ASAP1: variants seen among roughly 807,000 people sequenced by gnomAD.
ASAP1 encodes arf-GAP with SH3 domain, ANK repeat and PH domain-containing protein 1.
In ASAP1, 43 loss-of-function variants were observed where a neutral mutation model predicts 145.2. The observed-to-expected ratio is 0.30, with a 90% CI of 0.23 to 0.38. The LOEUF (loss-of-function observed/expected upper bound fraction) is 0.38. ASAP1 is among the 10% of genes least tolerant of loss of function. The pLI is 1.00. For missense variants in ASAP1, 1,018 were observed against 1,355.3 expected, an observed-to-expected ratio of 0.75 and a Z score of 3.91; for synonymous variants, 546 against 515.5, an observed-to-expected ratio of 1.06 and a Z score of -0.80.
intron 3 of ASAP1, among the ~76,000 whole-genome samples, chr8:130,252,495 AAT>A (rs1295132943): frequency 6.6e-6 from 1 of 152,192 alleles, no homozygotes; most frequent in African/African-American, 2.4e-5. Flanking sequence ...AGGACCCAAC[AAT>A]ATGTTAACTT....
chr8:130,286,294 A>G (rs72724429), intron 3 of ASAP1, among the ~76,000 whole-genome samples: 3,698 of 152,324 alleles, frequency 0.024, 60 homozygotes, highest in Non-Finnish European at 0.037. Flanking sequence ...TGCAAAATGA[A>G]CTTACAAAGT....
At position 130,072,793 on chromosome 8, in the gene ASAP1, A is replaced by ATGTGTGTGTGTGTGTGTGTGTG. The variant is rs1206526066; in HGVS notation, c.2701+3533_2701+3554dup. Among the ~76,000 whole-genome samples the ATGTGTGTGTGTGTGTGTGTGTG allele has an allele frequency of 2.0e-4, 21 of 102,626 alleles. 1 individual carries two copies. The highest frequency in any genetic ancestry group is 1.2e-3 in the South Asian group (3 of 2,522). The allele number at this position is 102,626 out of a possible 152,430, so 67.3% of individuals were successfully genotyped here. ...CTGAAGGCCTGGACTTGCAATTGAT[A>ATGTGTGTGTGTGTGTGTGTGTG]TGTGTGTGTGTGTGTGTGTGTGTGT... On this transcript the variant is annotated intron_variant, in intron 27 of 29. Coordinates refer to ENST00000518721, the MANE Select transcript of ASAP1 (RefSeq NM_018482.4).
chr8:130,073,280 C>A (rs975943793), intron 27 of ASAP1, among the ~76,000 whole-genome samples: 2 of 151,540 alleles, frequency 1.3e-5, no homozygotes, highest in Non-Finnish European at 2.9e-5. Context: ...ATCCCAGCTA[C>A]TTGGGAGGCC....
rs554663892 is a variant in ASAP1 at position 130,292,640 on chromosome 8, G to A, written c.187-55646C>T. ...TTATTCTCTACTATAATTGTCTCAC[G>A]TTCCCTGTTGTGCACCTACACAAAT... On this transcript the variant is annotated intron_variant, in intron 3 of 29. Coordinates refer to ENST00000518721, the MANE Select transcript of ASAP1 (RefSeq NM_018482.4). 3.3e-5 allele frequency among the ~76,000 whole-genome samples: 5 copies of A among 152,238 alleles called. No individual in the cohort carries two copies. The South Asian group carries it at 6.2e-4, about 19-fold the overall frequency.
intron 3 of ASAP1, among the ~76,000 whole-genome samples, chr8:130,337,252 T>C (rs970714367): frequency 6.6e-6 from 1 of 152,256 alleles, no homozygotes; most frequent in Admixed American, 6.5e-5. Context: ...TGCTTACTTG[T>C]AACTATCATC....
chr8:130,304,445 AATAAAG>A (rs1435856856), intron 3 of ASAP1, among the ~76,000 whole-genome samples: 5 of 152,300 alleles, frequency 3.3e-5, no homozygotes, highest in South Asian at 2.1e-4. Context: ...ATATTGAAAG[AATAAAG>A]ATAAAAACAG....
intron 13 of ASAP1, among the ~76,000 whole-genome samples, chr8:130,139,800 A>G (rs1411308713): frequency 6.6e-6 from 1 of 151,800 alleles, no homozygotes; most frequent in East Asian, 1.9e-4. Context: ...ATTTTTAGAC[A>G]CTATTCACAT....
chr8:130,057,945 C>T lies in ASAP1; in HGVS notation c.3315+9G>A, dbSNP rs771524650. ...TGTACGGATGAAGTGGATGGATATTCGTACGTACCCACCACTCCTGGTCCT... is the reference window on the plus strand; with the variant it reads ...TGTACGGATGAAGTGGATGGATATTTGTACGTACCCACCACTCCTGGTCCT... On this transcript the variant is annotated intron_variant, in intron 29 of 29. Transcript: ENST00000518721. The T allele has an allele frequency of 1.5e-5, 24 of 1,613,752 alleles. No individual in the cohort carries two copies. The highest frequency in any genetic ancestry group is 1.2e-4 in the African/African-American group (9 of 74,912).
Position 130,154,131 on chromosome 8 carries a change from G to C in ASAP1, c.1011-1326C>G, listed in dbSNP as rs143203012. On this transcript the variant is annotated intron_variant, in intron 12 of 29. Coordinates refer to ENST00000518721, the MANE Select transcript of ASAP1 (RefSeq NM_018482.4). ...GAGGTACAGGACAAGCTTAGCCAGG[G>C]CTCAAGAATGCATCATCATTTTTGG... 4.8e-3 allele frequency among the ~76,000 whole-genome samples: 738 copies of C among 152,244 alleles called. 10 individuals are homozygous for C. Among genetic ancestry groups the C allele is most frequent in the African/African-American group, 0.016 (674 of 41,534 alleles).
chr8:130,417,799 T>C (rs1242608700), intron 1 of ASAP1, among the ~76,000 whole-genome samples: 11 of 152,120 alleles, frequency 7.2e-5, no homozygotes, highest in Admixed American at 7.2e-4. Flanking sequence ...TCAGGCAGGA[T>C]CTCACCAAAG....
chr8:130,312,077 A>C (rs1331841704), intron 3 of ASAP1, among the ~76,000 whole-genome samples: 2 of 152,004 alleles, frequency 1.3e-5, no homozygotes, highest in South Asian at 2.1e-4. Context: ...GGAGTTCAAA[A>C]CCAGCCTGGA....
chr8:130,129,280 CTAATAGAATGA>C (rs2097579746), intron 15 of ASAP1, among the ~76,000 whole-genome samples: 1 of 152,056 alleles, frequency 6.6e-6, no homozygotes, highest in African/African-American at 2.4e-5. Context: ...TGAGAACGGG[CTAATAGAATGA>C]TATAATCCCA....
chr8:130,139,428 T>A (rs1190498804), intron 13 of ASAP1, among the ~76,000 whole-genome samples: 1 of 152,112 alleles, frequency 6.6e-6, no homozygotes, highest in Non-Finnish European at 1.5e-5. Context: ...TTGAAAAATT[T>A]AATAATTTTT....
At chr8:130,314,931 G>C (rs1283132721) in intron 3 of ASAP1, among the ~76,000 whole-genome samples, 1 of 152,090 alleles carries the variant, frequency 6.6e-6, no homozygotes. Flanking sequence ...AGAAAAAGTG[G>C]GTTCCAACCC....
intron 27 of ASAP1, among the ~76,000 whole-genome samples, chr8:130,061,769 T>C (rs985144498): frequency 3.3e-5 from 5 of 152,248 alleles, no homozygotes; most frequent in Non-Finnish European, 7.3e-5. Flanking sequence ...CCACTTACTA[T>C]GTTTAGGAAA....
In ASAP1 at chr8:130,393,267, G is replaced by A. The variant is rs536241290; in HGVS notation, c.59+8618C>T. Reference sequence around the variant, plus strand: ...AAAACTTGCCTTAGGAAAATCATGAGGAAATGTTCTGATGGTGAACAGTGC... The same window carrying A: ...AAAACTTGCCTTAGGAAAATCATGAAGAAATGTTCTGATGGTGAACAGTGC... On this transcript the variant is annotated intron_variant, in intron 2 of 29. Coordinates refer to ENST00000518721, the MANE Select transcript of ASAP1 (RefSeq NM_018482.4). Among the ~76,000 whole-genome samples, 4 of 152,294 alleles carry A rather than the reference G, an allele frequency of 2.6e-5. No individual in the cohort carries two copies. The South Asian group carries it at 8.3e-4, about 32-fold the overall frequency.
At chr8:130,217,953 A>G (rs1448500664) in intron 4 of ASAP1, among the ~76,000 whole-genome samples, 1 of 152,152 alleles carries the variant, frequency 6.6e-6, no homozygotes, top group Non-Finnish European at 1.5e-5. Flanking sequence ...CAGCCTTCTA[A>G]TCACCACCAC....
chr8:130,211,579 T>C (rs1228513270), intron 5 of ASAP1, among the ~76,000 whole-genome samples: 2 of 152,222 alleles, frequency 1.3e-5, no homozygotes, highest in African/African-American at 2.4e-5. Flanking sequence ...CAAATGTTTT[T>C]CTCATCCAGA....
At chr8:130,175,517 C>G (rs939148364) in intron 9 of ASAP1, among the ~76,000 whole-genome samples, 4 of 152,130 alleles carry the variant, frequency 2.6e-5, no homozygotes, top group African/African-American at 4.8e-5. Context: ...TGAGCCAGTA[C>G]ACCTGGACTG....
Sources: allele counts gnomAD v4.1 joint callset (sites outside exome capture counted in the v4.1 genomes callset), GRCh38; gene constraint gnomAD v4.1.1; transcripts MANE v1.5; gene names NCBI Gene and HGNC (gene_info 2026-07-23, HGNC 2026-07-21).